The following ST6GALNAC1 variants were observed in gnomAD, a reference collection of about 807,000 sequenced individuals.
The protein encoded by ST6GALNAC1 is alpha-N-acetylgalactosaminide alpha-2,6-sialyltransferase 1.
In ST6GALNAC1, 45 loss-of-function variants were observed where a neutral mutation model predicts 56.8. The ratio of observed to expected loss-of-function variants is 0.79; its 90% confidence interval spans 0.62 to 1.02. ST6GALNAC1 has a LOEUF of 1.02. Among genes scored for constraint, ST6GALNAC1 ranks in the 50% least tolerant of loss-of-function variants. The probability of loss-of-function intolerance (pLI) is 0.00; values close to 1 mark genes in which losing one functional copy is unlikely to be tolerated. For synonymous variants in ST6GALNAC1, 295 were observed against 297.8 expected (o/e 0.99, Z 0.10); for missense variants, 743 against 754.8 (o/e 0.98, Z 0.18).
At chr17:76,638,770 AG>A (rs1382421969) in intron 1 of ST6GALNAC1, among the ~76,000 whole-genome samples, 1 of 152,096 alleles carries the variant, frequency 6.6e-6, no homozygotes, top group Non-Finnish European at 1.5e-5. Flanking sequence ...TAGGAGAGAC[AG>A]GGTTTCACCA....
chr17:76,621,949 T>C (rs1567949089), downstream of ST6GALNAC1, among the ~76,000 whole-genome samples: 1 of 150,502 alleles, frequency 6.6e-6, no homozygotes, highest in East Asian at 1.9e-4. Context: ...TTTTCTTTTT[T>C]TTTTTTTTTG....
Position 76,629,786 on chromosome 17 carries a change from T to TTG in ST6GALNAC1, c.132-76_132-75insCA, listed in dbSNP as rs200424573. The TTG allele has an allele frequency of 7.9e-3, 8,141 of 1,029,564 alleles. 9 individuals are homozygous for TTG. The highest frequency in any genetic ancestry group is 9.0e-3 in the South Asian group (503 of 55,966). 63.8% of individuals were successfully genotyped at this position (1,029,564 alleles called of 1,614,324 possible). A position where few individuals can be genotyped will look rare whatever the true frequency, so the allele number is the denominator to read the frequency against. On this transcript the variant is annotated intron_variant, in intron 1 of 8. Transcript: ENST00000156626. ...TCAGAAGCATAAGTAGTTTTTTGTT[T>TTG]TTTTTTTTTTTTTTGAGACACAGTC...
Position 76,627,516 on chromosome 17 carries a change from T to C in ST6GALNAC1, c.899A>G (p.Asn300Ser), listed in dbSNP as rs756324393. Reference sequence around the variant, plus strand: ...TCTGGAGTCCAGGAAGAGAGTGAGGTTGGGCAGAAAGAGTTTCTGGAGCCA... The same window carrying C: ...TCTGGAGTCCAGGAAGAGAGTGAGGCTGGGCAGAAAGAGTTTCTGGAGCCA... The part of the protein sequence containing the change: ...SLWLQKLFLP[N>S]LTLFLDSRHF... The change falls in exon 3 of 9, where the codon AAC (asparagine) becomes AGC (serine). Residue 300 changes from asparagine (N) to serine (S), a missense_variant. Asn to Ser is a conservative substitution (Grantham distance 46). Coordinates refer to ENST00000156626, the MANE Select transcript of ST6GALNAC1 (RefSeq NM_018414.5). This position sits in a 1 kb window ranked among gnomAD's most constrained non-coding sequence, Gnocchi z 4.4. 5.0e-6 allele frequency: 8 copies of C among 1,614,154 alleles called. No individual in the cohort carries two copies. Among genetic ancestry groups the C allele is most frequent in the Admixed American group, 1.7e-5 (1 of 60,012 alleles).
Position 76,626,652 on chromosome 17 carries a change from T to C in ST6GALNAC1, c.1310A>G (p.Lys437Arg). 6.2e-7 allele frequency: 1 copy of C among 1,614,158 alleles called. No homozygotes were observed. Among genetic ancestry groups the C allele is most frequent in the Non-Finnish European group, 8.5e-7 (1 of 1,180,002 alleles). ...CCAGGCTCCTTCCTCTTTGCTCACC[T>C]TCCCAAGAGGCACGTTCTTGAAACC... ...NRGFKNVPLG[K>R]DVRYLHFLEG... Residue 437 changes from lysine to arginine, a missense_variant and splice_region_variant, in exon 5 of 9, where the codon AAG becomes AGG. By Grantham distance (26) the Lys-to-Arg change is conservative (BLOSUM62 2). Transcript: ENST00000156626.
chr17:76,642,214 A>C (rs1276017601), intron 1 of ST6GALNAC1, among the ~76,000 whole-genome samples: 4 of 150,414 alleles, frequency 2.7e-5, no homozygotes, highest in Middle Eastern at 3.4e-3. Flanking sequence ...CTCTCTCTCT[A>C]TCTGCCTATC....
At chr17:76,642,548 T>C (rs995682680) in intron 1 of ST6GALNAC1, among the ~76,000 whole-genome samples, 1 of 152,142 alleles carries the variant, frequency 6.6e-6, no homozygotes, top group Non-Finnish European at 1.5e-5. Context: ...GGAGGTATAA[T>C]AGGGAGACCC....
At chr17:76,620,285 C>A (rs890791820), downstream of ST6GALNAC1, among the ~76,000 whole-genome samples, 9 of 152,116 alleles carry the variant, frequency 5.9e-5, no homozygotes, top group Admixed American at 4.6e-4. Flanking sequence ...GGTGATCTGC[C>A]TGCCTCGGTC....
intron 1 of ST6GALNAC1, among the ~76,000 whole-genome samples, chr17:76,643,256 C>T (rs2076072685): frequency 6.6e-6 from 1 of 152,248 alleles, no homozygotes; most frequent in South Asian, 2.1e-4. Flanking sequence ...AGTTCTCAAA[C>T]TCCTGTACGT....
downstream of ST6GALNAC1, among the ~76,000 whole-genome samples, chr17:76,623,802 T>G (rs7211678): frequency 0.14 from 21,259 of 152,220 alleles, 1,725 homozygotes; most frequent in East Asian, 0.35. Context: ...TATTCTACTT[T>G]GGACTCGAGT....
chr17:76,637,272 T>TAAAAAAAAAAA (rs771644279), intron 1 of ST6GALNAC1, among the ~76,000 whole-genome samples: 31 of 18,172 alleles, frequency 1.7e-3, no homozygotes, highest in Non-Finnish European at 2.2e-3. Flanking sequence ...CAATAAATAC[T>TAAAAAAAAAAA]AAAAAAAAAA....
intron 8 of ST6GALNAC1, 138 bp from the exon 9 acceptor site, chr17:76,625,665 A>C (rs1185635823): frequency 2.2e-5 from 26 of 1,161,258 alleles, no homozygotes; most frequent in Non-Finnish European, 2.9e-5. Flanking sequence ...GTCCCTGGAT[A>C]CGCACGCATA....
chr17:76,638,143 C>T (rs1200960933), intron 1 of ST6GALNAC1, among the ~76,000 whole-genome samples: 3 of 140,232 alleles, frequency 2.1e-5, no homozygotes, highest in African/African-American at 8.1e-5. Context: ...GAACGCTTTA[C>T]GAATTTGCAC....
intron 1 of ST6GALNAC1, among the ~76,000 whole-genome samples, chr17:76,639,529 C>T (rs534564403): frequency 2.0e-5 from 3 of 152,102 alleles, no homozygotes; most frequent in Admixed American, 6.6e-5. Flanking sequence ...GAGCCAAGAT[C>T]GCGCCACTGC....
chr17:76,628,573 A>C (rs1186545567), intron 2 of ST6GALNAC1, among the ~76,000 whole-genome samples: 11 of 152,136 alleles, frequency 7.2e-5, no homozygotes, highest in Non-Finnish European at 2.9e-5. Flanking sequence ...TTTGCAGGGA[A>C]GACAAGGCAT....
At chr17:76,635,476 C>T (rs573489573) in intron 1 of ST6GALNAC1, among the ~76,000 whole-genome samples, 5 of 151,660 alleles carry the variant, frequency 3.3e-5, no homozygotes, top group Non-Finnish European at 7.4e-5. Context: ...CCTGTCTCTA[C>T]TAAAAATACA....
At position 76,629,471 on chromosome 17, in the gene ST6GALNAC1, C is replaced by G; in HGVS notation, c.372G>C (p.Trp124Cys). ...KVPHTAQRAA[W>C]KSPEKEKTMV... Reference sequence around the variant, plus strand: ...TGGTTTTCTCTTTTTCTGGGCTCTTCCATGCTGCCCTCTGTGCTGTGTGGG... The same window carrying G: ...TGGTTTTCTCTTTTTCTGGGCTCTTGCATGCTGCCCTCTGTGCTGTGTGGG... The change falls in exon 2 of 9, where the codon TGG becomes TGC. Residue 124 changes from tryptophan (W) to cysteine (C), a missense_variant. By Grantham distance (215) the Trp-to-Cys change is radical. Coordinates refer to ENST00000156626, the MANE Select transcript of ST6GALNAC1 (RefSeq NM_018414.5). The G allele has an allele frequency of 1.9e-6, 3 of 1,614,140 alleles. No individual in the cohort carries two copies. The South Asian group carries it at 3.3e-5, about 18-fold the overall frequency.
At chr17:76,639,922 G>T (rs571343457) in intron 1 of ST6GALNAC1, among the ~76,000 whole-genome samples, 31 of 152,002 alleles carry the variant, frequency 2.0e-4, no homozygotes, top group Non-Finnish European at 4.1e-4. Flanking sequence ...TTAAGTGAGC[G>T]CCTGTCTTGG....
At chr17:76,621,182 C>CTTTTTTT (rs367846650), downstream of ST6GALNAC1, among the ~76,000 whole-genome samples, 26 of 105,336 alleles carry the variant, frequency 2.5e-4, no homozygotes, top group Non-Finnish European at 3.1e-4. Context: ...TTCTTTCTTT[C>CTTTTTTT]TTTCTTTTTT....
At position 76,642,454 on chromosome 17, in the gene ST6GALNAC1, C is replaced by T. The variant is rs189515286; in HGVS notation, c.131+1054G>A. ...AATAGGGGCTAGCTCATAGTAAATA[C>T]TATAGCAGTGTTAGCTACATAATAA... On this transcript the variant is annotated intron_variant, in intron 1 of 8. Transcript: ENST00000156626. 2.5e-3 allele frequency among the ~76,000 whole-genome samples: 378 copies of T among 152,270 alleles called. 1 individual carries two copies. Among genetic ancestry groups the T allele is most frequent in the Non-Finnish European group, 4.2e-3 (285 of 68,030 alleles).
Sources: allele counts gnomAD v4.1 joint callset (sites outside exome capture counted in the v4.1 genomes callset), GRCh38; gene constraint gnomAD v4.1.1; non-coding constraint Gnocchi (gnomAD v3.1); transcripts MANE v1.5; gene names NCBI Gene and HGNC (gene_info 2026-07-23, HGNC 2026-07-21).